Variants in BMPR1B observed in about 807,000 individuals in gnomAD.
BMPR1B encodes the protein bone morphogenetic protein receptor type 1B.
A neutral mutation model predicts 59.1 loss-of-function variants in BMPR1B; 12 were observed. The observed-to-expected ratio is 0.20, with a 90% CI of 0.13 to 0.33. BMPR1B has a LOEUF of 0.33. Ranked by LOEUF, BMPR1B falls within the 10% of genes least tolerant of loss-of-function variation. The probability of loss-of-function intolerance (pLI) is 1.00; values close to 1 mark genes in which losing one functional copy is unlikely to be tolerated. For synonymous variants in BMPR1B, 237 were observed against 207.3 expected (o/e 1.14, Z -1.23); for missense variants, 550 against 610.9 (o/e 0.90, Z 1.05).
intron 1 of BMPR1B, among the ~76,000 whole-genome samples, chr4:94,785,508 C>G (rs911256716): frequency 2.0e-4 from 31 of 152,010 alleles, no homozygotes; most frequent in African/African-American, 7.5e-4. Flanking sequence ...GTAGCTGTTG[C>G]ATTTGATGGG....
intron 3 of BMPR1B, chr4:95,103,518 G>A: frequency 7.1e-6 from 7 of 983,088 alleles, no homozygotes; most frequent in Non-Finnish European, 8.5e-6. Context: ...AACAAAATAG[G>A]TAATAATTAA....
chr4:95,024,193 A>T (rs1315966626), intron 3 of BMPR1B, among the ~76,000 whole-genome samples: 2 of 152,224 alleles, frequency 1.3e-5, no homozygotes, highest in African/African-American at 4.8e-5. Flanking sequence ...TGGAATCTCC[A>T]TTTGCACACT....
chr4:94,793,484 G>A (rs1723062566), intron 1 of BMPR1B, among the ~76,000 whole-genome samples: 1 of 150,724 alleles, frequency 6.6e-6, no homozygotes. Context: ...ACATACGGGT[G>A]CATGTGTCTT....
chr4:94,821,622 C>T (rs1013330698), intron 1 of BMPR1B, among the ~76,000 whole-genome samples: 3 of 151,844 alleles, frequency 2.0e-5, no homozygotes, highest in Admixed American at 6.6e-5. Flanking sequence ...GAATTAAATT[C>T]GATAAAATAT....
chr4:95,084,779 A>C (rs976901905), intron 3 of BMPR1B, among the ~76,000 whole-genome samples: 1 of 152,188 alleles, frequency 6.6e-6, no homozygotes, highest in Non-Finnish European at 1.5e-5. Context: ...AATCTAATTC[A>C]TTCACTCAGT....
Position 95,128,859 on chromosome 4 carries a change from A to G in BMPR1B, c.586-1003A>G, listed in dbSNP as rs369993993. Reference sequence around the variant, plus strand: ...TATGTAATCTGAAGAGGTTAAATCTACTTGGGTTGTTTCTGTTGACTCTCA... The same window carrying G: ...TATGTAATCTGAAGAGGTTAAATCTGCTTGGGTTGTTTCTGTTGACTCTCA... On this transcript the variant is annotated intron_variant, in intron 8 of 12. Coordinates refer to ENST00000515059, the MANE Select transcript of BMPR1B (RefSeq NM_001203.3). Among the ~76,000 whole-genome samples the G allele has an allele frequency of 3.3e-5, 5 of 152,230 alleles. No homozygotes were observed. In the East Asian group the frequency reaches 5.8e-4, roughly 18 times the overall value.
chr4:95,013,650 G>C (rs1192581540), intron 3 of BMPR1B, among the ~76,000 whole-genome samples: 1 of 152,142 alleles, frequency 6.6e-6, no homozygotes, highest in Non-Finnish European at 1.5e-5. Flanking sequence ...ACATGGAATA[G>C]AAGAAAACAG....
At chr4:95,110,638 T>G (rs1249715073) in intron 4 of BMPR1B, among the ~76,000 whole-genome samples, 1 of 152,180 alleles carries the variant, frequency 6.6e-6, no homozygotes, top group Non-Finnish European at 1.5e-5. Flanking sequence ...CTCAGCATTC[T>G]TCTTTGGTTA....
intron 2 of BMPR1B, among the ~76,000 whole-genome samples, chr4:94,883,844 T>C (rs949382748): frequency 1.3e-5 from 2 of 152,174 alleles, no homozygotes; most frequent in African/African-American, 4.8e-5. Flanking sequence ...GTTTCACAAG[T>C]AGATGGACTG....
chr4:94,882,669 A>G (rs1245616194), intron 2 of BMPR1B, among the ~76,000 whole-genome samples: 1 of 152,216 alleles, frequency 6.6e-6, no homozygotes, highest in East Asian at 1.9e-4. Context: ...ATTTGAATTT[A>G]GGTCAGTCTG....
At chr4:94,961,197 G>A (rs1208332427) in intron 2 of BMPR1B, among the ~76,000 whole-genome samples, 1 of 152,088 alleles carries the variant, frequency 6.6e-6, no homozygotes, top group African/African-American at 2.4e-5. Context: ...ATCTGGTTCA[G>A]GAGTCAGTAA....
Position 95,062,060 on chromosome 4 carries a change from C to A in BMPR1B, c.-17-42348C>A, listed in dbSNP as rs2060419. 2.1e-3 allele frequency among the ~76,000 whole-genome samples: 316 copies of A among 152,218 alleles called. 8 individuals carry two copies. In the East Asian group the frequency reaches 0.057, roughly 27 times the overall value. On this transcript the variant is annotated intron_variant, in intron 3 of 12. Transcript: ENST00000515059. Reference sequence around the variant, plus strand: ...ACCGTAATTGTGAGTTTCCTGAGGCCTCACCAGCCATGCCTCCTGTACAGC... The same window carrying A: ...ACCGTAATTGTGAGTTTCCTGAGGCATCACCAGCCATGCCTCCTGTACAGC...
At position 94,908,061 on chromosome 4, in the gene BMPR1B, T is replaced by TAA. The variant is rs571793477; in HGVS notation, c.-113+32189_-113+32190dup. ...GGGCAATGCAGTGAGACCCTGTCTTTAAAAAAAAAAAAAAAAAAAAAAAAA... is the reference window on the plus strand; with the variant it reads ...GGGCAATGCAGTGAGACCCTGTCTTTAAAAAAAAAAAAAAAAAAAAAAAAAAA... On this transcript the variant is annotated intron_variant, in intron 2 of 12. Transcript: ENST00000515059. 2.1e-3 allele frequency among the ~76,000 whole-genome samples: 98 copies of TAA among 46,228 alleles called. 2 individuals are homozygous for TAA. Among genetic ancestry groups the TAA allele is most frequent in the Middle Eastern group, 0.018 (1 of 56 alleles). The allele number at this position is 46,228 out of a possible 152,430, so 30.3% of individuals were successfully genotyped here.
intron 2 of BMPR1B, among the ~76,000 whole-genome samples, chr4:94,917,305 A>G (rs555751867): frequency 2.0e-4 from 30 of 152,312 alleles, no homozygotes; most frequent in African/African-American, 7.2e-4. Context: ...ACAGAATGGT[A>G]GATCCACTGG....
chr4:95,031,375 T>C (rs930021232), intron 3 of BMPR1B, among the ~76,000 whole-genome samples: 1 of 152,110 alleles, frequency 6.6e-6, no homozygotes, highest in African/African-American at 2.4e-5. Flanking sequence ...GAGGTGGAAC[T>C]TGAGAATTAG....
intron 3 of BMPR1B, among the ~76,000 whole-genome samples, chr4:95,049,440 T>G (rs1378790452): frequency 3.6e-3 from 74 of 20,700 alleles, no homozygotes; most frequent in African/African-American, 8.2e-3. Flanking sequence ...TTTTTTTTTT[T>G]TTTTTTTTTT....
At chr4:95,075,869 C>T (rs1488537917) in intron 3 of BMPR1B, among the ~76,000 whole-genome samples, 1 of 152,080 alleles carries the variant, frequency 6.6e-6, no homozygotes, top group African/African-American at 2.4e-5. Flanking sequence ...CCCTTCCATC[C>T]AGCCACTCTC....
Position 94,861,804 on chromosome 4 carries a change from G to T in BMPR1B, c.-182-14027G>T, listed in dbSNP as rs796711894. Among the ~76,000 whole-genome samples the T allele has an allele frequency of 2.0e-5, 3 of 152,172 alleles. No individual in the cohort carries two copies. The South Asian group carries it at 6.2e-4, about 32-fold the overall frequency. The stretch of plus-strand genomic sequence containing the variant: ...TTTAGAAATGATGATATAGGTCAGA[G>T]TAGATTGATGGTATTTTCAGTTTCA... On this transcript the variant is annotated intron_variant, in intron 1 of 12. Transcript: ENST00000515059.
At chr4:94,872,459 C>T (rs982164632) in intron 1 of BMPR1B, among the ~76,000 whole-genome samples, 2 of 151,938 alleles carry the variant, frequency 1.3e-5, no homozygotes, top group East Asian at 3.9e-4. Context: ...GAAATTCTAA[C>T]TTTTGATTAA....
Sources: allele counts gnomAD v4.1 joint callset (sites outside exome capture counted in the v4.1 genomes callset), GRCh38; gene constraint gnomAD v4.1.1; transcripts MANE v1.5; gene names NCBI Gene and HGNC (gene_info 2026-07-23, HGNC 2026-07-21).